CELF2: variants seen among roughly 807,000 people sequenced by gnomAD.
CELF2 encodes the protein CUGBP Elav-like family member 2, also known as CUG triplet repeat RNA-binding protein 2.
CELF2 carries 8 observed loss-of-function variants against 62.6 expected under a neutral mutation model. The ratio of observed to expected loss-of-function variants is 0.13; its 90% CI spans 0.07 to 0.23. The LOEUF is 0.23. Among genes scored for constraint, CELF2 ranks in the 10% least tolerant of loss-of-function variants. CELF2 has a pLI of 1.00. For missense variants in CELF2, 333 were observed against 671.0 expected, an observed-to-expected ratio of 0.50 and a Z score of 5.56; for synonymous variants, 258 against 250.0, an observed-to-expected ratio of 1.03 and a Z score of -0.30.
intron 2 of CELF2, among the ~76,000 whole-genome samples, chr10:10,970,532 A>G (rs143372375): frequency 6.6e-6 from 1 of 152,230 alleles, no homozygotes. Flanking sequence ...TTCCAAAACC[A>G]AGAGATAGCT....
intron 1 of CELF2, among the ~76,000 whole-genome samples, chr10:11,114,907 A>G (rs1006732270): frequency 1.3e-5 from 2 of 152,222 alleles, no homozygotes; most frequent in Non-Finnish European, 2.9e-5. Context: ...TCAATTCAGT[A>G]GATAGCTGAT....
At chr10:10,940,672 T>G (rs1163634423) in intron 2 of CELF2, among the ~76,000 whole-genome samples, 4 of 152,186 alleles carry the variant, frequency 2.6e-5, no homozygotes, top group African/African-American at 4.8e-5. Flanking sequence ...TTTCCTTTAT[T>G]ATTCTGGTAG....
the CELF2 span, chr10:10,792,553 C>A: frequency 2.5e-6 from 1 of 396,878 alleles, no homozygotes. Flanking sequence ...AAAACCAGAA[C>A]AATCTAAAGC....
the CELF2 span, among the ~76,000 whole-genome samples, chr10:10,694,800 T>G: frequency 6.6e-6 from 1 of 151,864 alleles, no homozygotes. Flanking sequence ...CTTTGTTGGT[T>G]TAAAGTCTGT....
intron 2 of CELF2, among the ~76,000 whole-genome samples, chr10:11,201,620 C>T (rs1001136129): frequency 6.6e-6 from 1 of 152,158 alleles, no homozygotes; most frequent in African/African-American, 2.4e-5. Flanking sequence ...CCAGTGTTGG[C>T]CCTGAGGAAG....
At chr10:10,759,822 T>A in the CELF2 span, among the ~76,000 whole-genome samples, 3 of 152,174 alleles carry the variant, frequency 2.0e-5, no homozygotes, top group Non-Finnish European at 4.4e-5. Flanking sequence ...TGCAAAATCA[T>A]ACAGAGAAGA....
At chr10:11,323,427 TA>T (rs2141059251) in intron 11 of CELF2, among the ~76,000 whole-genome samples, 1 of 126,978 alleles carries the variant, frequency 7.9e-6, no homozygotes, top group African/African-American at 3.2e-5. Context: ...AGAGCAAAAA[TA>T]ATAATAATAA....
At position 11,302,308 on chromosome 10, in the gene CELF2, A is replaced by G. The variant is rs1162723220; in HGVS notation, c.977-11831A>G. ...GCACCGCATCGGATAGTCCTGACAC[A>G]CGTGGTTCTCTAATGTTTGCATGCA... On this transcript the variant is annotated intron_variant, in intron 9 of 12. Transcript: ENST00000633077. The surrounding 1 kb of genome is among the most constrained non-coding windows in gnomAD (Gnocchi z 5.0). 6.6e-6 allele frequency among the ~76,000 whole-genome samples: 1 copy of G among 152,136 alleles called. No homozygotes were observed. Among genetic ancestry groups the G allele is most frequent in the African/African-American group, 2.4e-5 (1 of 41,422 alleles).
chr10:10,857,318 A>G (rs570492579), intron 1 of CELF2, among the ~76,000 whole-genome samples: 1 of 152,028 alleles, frequency 6.6e-6, no homozygotes, highest in Non-Finnish European at 1.5e-5. Flanking sequence ...TTCCAACCAG[A>G]TGCAGTGAAA....
At chr10:11,198,846 T>G (rs757471548) in intron 2 of CELF2, among the ~76,000 whole-genome samples, 14 of 152,230 alleles carry the variant, frequency 9.2e-5, no homozygotes, top group Non-Finnish European at 1.5e-4. Flanking sequence ...ATCTATAGAC[T>G]GTTAGTGATG....
In CELF2 at chr10:11,207,407, T is replaced by G. The variant is rs4540755; in HGVS notation, c.272-10018T>G. Among the ~76,000 whole-genome samples, 149,610 of 152,248 alleles carry G rather than the reference T, an allele frequency of 0.98. 73,567 individuals carry two copies. Among genetic ancestry groups the G allele is most frequent in the East Asian group, 1 (5,176 of 5,176 alleles). ...GATCTTGTGGCCAGTTGACAGAAAGTTGGTCCTAGCGTGTCAAATGGAGAG... is the reference window on the plus strand; with the variant it reads ...GATCTTGTGGCCAGTTGACAGAAAGGTGGTCCTAGCGTGTCAAATGGAGAG... On this transcript the variant is annotated intron_variant, in intron 2 of 12. Transcript: ENST00000633077. The surrounding 1 kb of genome is among the most constrained non-coding windows in gnomAD (Gnocchi z 4.1).
At chr10:10,711,947 C>T in the CELF2 span, among the ~76,000 whole-genome samples, 1 of 151,830 alleles carries the variant, frequency 6.6e-6, no homozygotes, top group African/African-American at 2.4e-5. Context: ...ACCAGTTCAC[C>T]TATTGGGAGG....
Position 11,330,584 on chromosome 10 carries a change from A to C in CELF2, c.*1531A>C, listed in dbSNP as rs1350829621. The C allele has an allele frequency of 6.6e-6, 1 of 151,268 alleles. No individual in the cohort carries two copies. The highest frequency in any genetic ancestry group is 1.5e-5 in the Non-Finnish European group (1 of 67,782). 9.4% of individuals were successfully genotyped at this position (151,268 alleles called of 1,614,324 possible). On this transcript the variant is annotated 3_prime_UTR_variant, in exon 13 of 13. Coordinates refer to ENST00000633077, the MANE Select transcript of CELF2 (RefSeq NM_001326342.2). This position sits in a 1 kb window ranked among gnomAD's most constrained non-coding sequence, Gnocchi z 4.5. The stretch of plus-strand genomic sequence containing the variant: ...CACATCATATTTGGTTCTCCTACTG[A>C]CCTTTGATCTAGTTTGACCTTTGAA...
chr10:10,866,791 G>T (rs1408865875), intron 1 of CELF2, among the ~76,000 whole-genome samples: 1 of 150,220 alleles, frequency 6.7e-6, no homozygotes, highest in Non-Finnish European at 1.5e-5. Flanking sequence ...ATGGTGGCAG[G>T]TACCTATAAT....
intron 1 of CELF2, among the ~76,000 whole-genome samples, chr10:11,131,392 G>A (rs2059602911): frequency 6.6e-6 from 1 of 152,300 alleles, no homozygotes; most frequent in East Asian, 1.9e-4. Context: ...CCGCCCAATG[G>A]TAAGATCTGG....
chr10:10,525,934 T>A, the CELF2 span, among the ~76,000 whole-genome samples: 1 of 152,220 alleles, frequency 6.6e-6, no homozygotes, highest in African/African-American at 2.4e-5. Context: ...CTAGTTTACA[T>A]CCCCACCAAC....
intron 2 of CELF2, among the ~76,000 whole-genome samples, chr10:10,955,314 G>A (rs1050748711): frequency 2.6e-5 from 4 of 152,216 alleles, no homozygotes; most frequent in East Asian, 1.9e-4. Flanking sequence ...AGTATGCCTC[G>A]CCTGCCTTTG....
chr10:10,933,857 A>T (rs1778862363), intron 2 of CELF2, among the ~76,000 whole-genome samples: 1 of 152,220 alleles, frequency 6.6e-6, no homozygotes, highest in African/African-American at 2.4e-5. Context: ...ATGGGTGCTT[A>T]GGTTGATTCC....
chr10:10,933,017 G>A (rs550620094), intron 2 of CELF2, among the ~76,000 whole-genome samples: 16 of 152,164 alleles, frequency 1.1e-4, no homozygotes, highest in South Asian at 4.2e-4. Flanking sequence ...ACACAAGGCC[G>A]GGCACAGTGG....
Sources: allele counts gnomAD v4.1 joint callset (sites outside exome capture counted in the v4.1 genomes callset), GRCh38; gene constraint gnomAD v4.1.1; non-coding constraint Gnocchi (gnomAD v3.1); transcripts MANE v1.5; gene names NCBI Gene and HGNC (gene_info 2026-07-23, HGNC 2026-07-21).